The following PCYT2 variants were observed in gnomAD, a reference collection of about 807,000 sequenced individuals.
PCYT2 encodes the protein phosphate cytidylyltransferase 2, ethanolamine.
Under a neutral mutation model 50.0 loss-of-function variants are expected in PCYT2, and 33 were observed. The observed-to-expected ratio is 0.66, with a 90% confidence interval of 0.50 to 0.88. PCYT2 has a LOEUF of 0.88. Ranked by LOEUF, PCYT2 falls within the 40% of genes least tolerant of loss-of-function variation. The pLI is 0.00. For missense variants in PCYT2, 430 were observed against 519.7 expected, an observed-to-expected ratio of 0.83 and a Z score of 1.68; for synonymous variants, 240 against 203.7, an observed-to-expected ratio of 1.18 and a Z score of -1.52.
At chr17:81,908,270 G>C (rs1017847174) in intron 4 of PCYT2, among the ~76,000 whole-genome samples, 16 of 152,216 alleles carry the variant, frequency 1.1e-4, no homozygotes, top group African/African-American at 3.6e-4. Flanking sequence ...TGGTAATTCA[G>C]ATATAGTGCC....
In PCYT2 at chr17:81,904,646, G is replaced by C. The variant is rs1341861900; in HGVS notation, c.*187C>G. On this transcript the variant is annotated 3_prime_UTR_variant, in exon 13 of 13. Coordinates refer to ENST00000538936, the MANE Select transcript of PCYT2 (RefSeq NM_002861.5). ...CTGTGCTGGACACCCTCTCTGAGCA[G>C]CTTTGCTGGAAAGAGCGGAGAGCCT... 1.7e-6 allele frequency: 1 copy of C among 585,228 alleles called. No individual in the cohort carries two copies. The highest frequency in any genetic ancestry group is 1.9e-5 in the African/African-American group (1 of 53,804). 36.3% of individuals were successfully genotyped at this position (585,228 alleles called of 1,614,324 possible). A position where few individuals can be genotyped will look rare whatever the true frequency, so the allele number is the denominator to read the frequency against.
chr17:81,904,977 C>T (rs1432089329), intron 12 of PCYT2, 33 bp from the exon 13 acceptor site: 19 of 1,594,448 alleles, frequency 1.2e-5, no homozygotes, highest in East Asian at 2.2e-5. Flanking sequence ...GCAGAGAGCG[C>T]CCATGAGGCG....
intron 4 of PCYT2, 86 bp downstream of exon 4, chr17:81,908,482 G>A (rs1010713480): frequency 1.6e-5 from 17 of 1,035,408 alleles, no homozygotes; most frequent in South Asian, 6.7e-5. Flanking sequence ...CTCCCCTCAC[G>A]GGCTCCCGGT....
Position 81,902,764 on chromosome 17 carries a change from G to T in PCYT2, c.*2069C>A. On this transcript the variant is annotated 3_prime_UTR_variant, in exon 13 of 13. Transcript: ENST00000538936. ...CGCCGCCTGAGCCCGGACCTCTCCT[G>T]GCACCGCTGGGGGCCCCCCGCCCCC... is the stretch of plus-strand genomic sequence containing the variant. 6.3e-7 allele frequency: 1 copy of T among 1,593,804 alleles called. No individual in the cohort carries two copies.
intron 10 of PCYT2, 56 bp downstream of exon 10, chr17:81,905,614 C>T: frequency 1.3e-6 from 2 of 1,547,600 alleles, no homozygotes; most frequent in Non-Finnish European, 8.9e-7. Context: ...CATTCCCAGC[C>T]CATGCAGGAA....
chr17:81,901,933 C>T lies in PCYT2; in HGVS notation c.*2900G>A, dbSNP rs2039966906. 4 of 185,124 alleles carry T rather than the reference C, an allele frequency of 2.2e-5. No homozygotes were observed. Among genetic ancestry groups the T allele is most frequent in the Admixed American group, 6.2e-5 (1 of 16,254 alleles). The allele number at this position is 185,124 out of a possible 1,614,324, so 11.5% of individuals were successfully genotyped here. A position where few individuals can be genotyped will look rare whatever the true frequency, so the allele number is the denominator to read the frequency against. On this transcript the variant is annotated 3_prime_UTR_variant, in exon 13 of 13. Coordinates refer to ENST00000538936, the MANE Select transcript of PCYT2 (RefSeq NM_002861.5). ...GGAGTACTGGGGATTGCCTGGGGGA[C>T]GACTCCTAGGGCTGGGCGCCCGTGG...
At position 81,902,972 on chromosome 17, in the gene PCYT2, G is replaced by A; in HGVS notation, c.*1861C>T. The A allele has an allele frequency of 1.9e-6, 1 of 514,022 alleles. No individual in the cohort carries two copies. Among genetic ancestry groups the A allele is most frequent in the Non-Finnish European group, 3.4e-6 (1 of 296,838 alleles). The allele number at this position is 514,022 out of a possible 1,614,324, so 31.8% of individuals were successfully genotyped here. A position where few individuals can be genotyped will look rare whatever the true frequency, so the allele number is the denominator to read the frequency against. ...ACGGGACCTGGAAATCCCCAAGCCT[G>A]GGTATGAGAAGGCAGCCGAGTGTGC... On this transcript the variant is annotated 3_prime_UTR_variant, in exon 13 of 13. Coordinates refer to ENST00000538936, the MANE Select transcript of PCYT2 (RefSeq NM_002861.5).
chr17:81,909,196 G>T, intron 2 of PCYT2, 159 bp from the exon 3 acceptor site: 1 of 1,447,782 alleles, frequency 6.9e-7, no homozygotes, highest in East Asian at 2.4e-5. Flanking sequence ...GGCCAACTGG[G>T]TGGCTCTCTT....
intron 1 of PCYT2, chr17:81,911,028 G>A (rs552819228): frequency 1.0e-6 from 1 of 998,228 alleles, no homozygotes; most frequent in Admixed American, 6.0e-5. Context: ...GCACCGGAGA[G>A]GTCGGCGTGA....
chr17:81,907,206 G>A, intron 6 of PCYT2: 9 of 1,532,706 alleles, frequency 5.9e-6, no homozygotes, highest in Non-Finnish European at 7.9e-6. Context: ...CTGGTCACCT[G>A]GGAGCAGCCT....
intron 4 of PCYT2, among the ~76,000 whole-genome samples, 161 bp downstream of exon 4, chr17:81,908,407 A>G (rs1279317403): frequency 6.6e-6 from 1 of 152,174 alleles, no homozygotes; most frequent in Non-Finnish European, 1.5e-5. Flanking sequence ...GCCACCCCAC[A>G]ATGGCACCTC....
At position 81,906,739 on chromosome 17, in the gene PCYT2, C is replaced by T. The variant is rs756076128; in HGVS notation, c.676+21G>A. ...ACCCCATGTGGCACATGTAGGGGAG[C>T]AGCAGAGGCCCAGAGGATACGGAAC... On this transcript the variant is annotated intron_variant, in intron 7 of 12. Coordinates refer to ENST00000538936, the MANE Select transcript of PCYT2 (RefSeq NM_002861.5). 2.9e-5 allele frequency: 47 copies of T among 1,610,580 alleles called. No homozygotes were observed. In the South Asian group the frequency reaches 5.0e-4, roughly 17 times the overall value.
chr17:81,903,416 AC>A lies in PCYT2; in HGVS notation c.*1416del, dbSNP rs2040058770. Reference sequence around the variant, plus strand: ...TTGGGCTCTGGCCTCCAATGCTGCTACGGGGCCAGGCCCACCTCCGGGCCCA... The same window carrying A: ...TTGGGCTCTGGCCTCCAATGCTGCTAGGGGCCAGGCCCACCTCCGGGCCCA... On this transcript the variant is annotated 3_prime_UTR_variant, in exon 13 of 13. Transcript: ENST00000538936. 1 of 152,300 alleles carries A rather than the reference AC, an allele frequency of 6.6e-6. No individual in the cohort carries two copies. The highest frequency in any genetic ancestry group is 6.5e-5 in the Admixed American group (1 of 15,294). The allele number at this position is 152,300 out of a possible 1,614,324, so 9.4% of individuals were successfully genotyped here.
Position 81,902,947 on chromosome 17 carries a change from A to G in PCYT2, c.*1886T>C. On this transcript the variant is annotated 3_prime_UTR_variant, in exon 13 of 13. Coordinates refer to ENST00000538936, the MANE Select transcript of PCYT2 (RefSeq NM_002861.5). ...GACTGGCAGCCAGGCCACGAGGGGA[A>G]CGGGACCTGGAAATCCCCAAGCCTG... The G allele has an allele frequency of 1.9e-6, 1 of 534,988 alleles. No homozygotes were observed. Among genetic ancestry groups the G allele is most frequent in the Non-Finnish European group, 3.2e-6 (1 of 310,830 alleles). 33.1% of individuals were successfully genotyped at this position (534,988 alleles called of 1,614,324 possible). A position where few individuals can be genotyped will look rare whatever the true frequency, so the allele number is the denominator to read the frequency against.
In PCYT2 at chr17:81,906,881, G is replaced by C. The variant is rs569322551; in HGVS notation, c.555C>G (p.Asn185Lys). The change falls in exon 7 of 13, where the codon AAC becomes AAG. Residue 185 changes from asparagine (N) to lysine (K), a missense_variant. Physicochemically the swap from Asn to Lys is moderately conservative, Grantham distance 94. This residue lies in a region of PCYT2 where 248 missense variants were observed against 300.2 expected (regional missense o/e 0.83). Transcript: ENST00000538936. ...GGAACTGGGATACCCCGGTCCAGGG[G>C]TTCCGCCCACCAGGGCACTGCAAGC... is the stretch of plus-strand genomic sequence containing the variant. ...DSFGKCPGGR[N>K]PWTGVSQFLQ... is the part of the protein sequence containing the mutation. 2.5e-6 allele frequency: 4 copies of C among 1,612,980 alleles called. No homozygotes were observed. The highest frequency in any genetic ancestry group is 3.4e-6 in the Non-Finnish European group (4 of 1,179,914).
In PCYT2 at chr17:81,905,676, G is replaced by C. The variant is rs1407532113; in HGVS notation, c.897C>G (p.His299Gln). The C allele has an allele frequency of 1.9e-6, 3 of 1,613,298 alleles. No homozygotes were observed. Among genetic ancestry groups the C allele is most frequent in the Non-Finnish European group, 2.5e-6 (3 of 1,179,822 alleles). ...PYAVTAELLS[H>Q]FKVDLVCHGK... ...AGCCCATGCGGAGCCTCACCTTGAA[G>C]TGACTTAGGAGCTCTGCTGTGACCG... Residue 299 changes from histidine to glutamine, a missense_variant, in exon 10 of 13, where the codon CAC becomes CAG. Physicochemically the swap from His to Gln is conservative, Grantham distance 24. This residue lies in a region of PCYT2 where 248 missense variants were observed against 300.2 expected (regional missense o/e 0.83). Coordinates refer to ENST00000538936, the MANE Select transcript of PCYT2 (RefSeq NM_002861.5).
chr17:81,911,358 C>A lies in PCYT2; in HGVS notation c.-3G>T. 1 of 1,059,636 alleles carries A rather than the reference C, an allele frequency of 9.4e-7. No individual in the cohort carries two copies. Among genetic ancestry groups the A allele is most frequent in the Non-Finnish European group, 1.1e-6 (1 of 877,574 alleles). 65.6% of individuals were successfully genotyped at this position (1,059,636 alleles called of 1,614,324 possible). A position where few individuals can be genotyped will look rare whatever the true frequency, so the allele number is the denominator to read the frequency against. ...GCCCCGCGCCCGTTCCGGATCATGG[C>A]CCCGCAGCGGCGGCGCGGACAGCCT... On this transcript the variant is annotated 5_prime_UTR_variant, in exon 1 of 13. Coordinates refer to ENST00000538936, the MANE Select transcript of PCYT2 (RefSeq NM_002861.5).
Position 81,911,337 on chromosome 17 carries a change from C to G in PCYT2, c.19G>C (p.Gly7Arg), listed in dbSNP as rs1259045323. The change falls in exon 1 of 13, where the codon GGG becomes CGG. Residue 7 changes from glycine (G) to arginine (R), a missense_variant. Gly to Arg is a moderately radical substitution (Grantham distance 125). Coordinates refer to ENST00000538936, the MANE Select transcript of PCYT2 (RefSeq NM_002861.5). ...GGCTGCTCTGCGCCGCCTGCAGCCC[C>G]GCGCCCGTTCCGGATCATGGCCCCG... MIRNGR[G>R]AAGGAEQPGP... 9.0e-7 allele frequency: 1 copy of G among 1,105,698 alleles called. No individual in the cohort carries two copies. The highest frequency in any genetic ancestry group is 1.1e-6 in the Non-Finnish European group (1 of 898,180). 68.5% of individuals were successfully genotyped at this position (1,105,698 alleles called of 1,614,324 possible).
intron 6 of PCYT2, chr17:81,907,234 C>T (rs1178580242): frequency 3.9e-6 from 6 of 1,534,442 alleles, no homozygotes; most frequent in Non-Finnish European, 4.4e-6. Flanking sequence ...AAAGTATGTC[C>T]CCGGCGGGTA....
Sources: gnomAD v4.1 joint callset for allele counts (sites outside exome capture counted in the v4.1 genomes callset) on GRCh38, gnomAD v4.1.1 for gene constraint, gnomAD v4.1.1 regional missense constraint, MANE v1.5 for transcripts, NCBI Gene and HGNC (gene_info 2026-07-23, HGNC 2026-07-21) for gene names.